ATG7: variants seen among roughly 807,000 people sequenced by gnomAD.
ATG7 encodes ubiquitin-like modifier-activating enzyme ATG7.
A neutral mutation model predicts 82.4 loss-of-function variants in ATG7; 70 were observed. That is an observed-to-expected ratio of 0.85 (90% CI 0.70 to 1.04). ATG7 has a LOEUF of 1.04. Ranked by LOEUF, ATG7 falls within the 50% of genes least tolerant of loss-of-function variation. The pLI is 0.00. For synonymous variants in ATG7, 287 were observed against 313.0 expected, an observed-to-expected ratio of 0.92 and a Z score of 0.88; for missense variants, 792 against 864.3, an observed-to-expected ratio of 0.92 and a Z score of 1.05.
intron 2 of ATG7, among the ~76,000 whole-genome samples, chr3:11,281,841 C>A (rs1302072371): frequency 6.6e-6 from 1 of 151,646 alleles, no homozygotes; most frequent in Non-Finnish European, 1.5e-5. Context: ...GGAAATCAGG[C>A]CTTTGCTTGG....
At chr3:11,445,063 C>A (rs148180791) in intron 20 of ATG7, among the ~76,000 whole-genome samples, 242 of 152,150 alleles carry the variant, frequency 1.6e-3, no homozygotes, top group African/African-American at 5.0e-3. Context: ...TAGATGCTGG[C>A]GAGGTTGTGG....
chr3:11,449,072 T>TG (rs2084856814), intron 20 of ATG7, among the ~76,000 whole-genome samples: 1 of 152,118 alleles, frequency 6.6e-6, no homozygotes, highest in African/African-American at 2.4e-5. Flanking sequence ...GGGAGGGAGA[T>TG]GAGTGCTAAA....
intron 20 of ATG7, among the ~76,000 whole-genome samples, chr3:11,490,607 T>A (rs1160796454): frequency 1.3e-5 from 2 of 152,224 alleles, no homozygotes; most frequent in South Asian, 2.1e-4. Flanking sequence ...CAGTGGCTGG[T>A]ACCGGTTGTT....
chr3:11,526,644 C>G (rs1415333410), intron 20 of ATG7, among the ~76,000 whole-genome samples: 1 of 152,144 alleles, frequency 6.6e-6, no homozygotes, highest in African/African-American at 2.4e-5. Context: ...TTTGAAAATT[C>G]TTTCAGATTT....
At chr3:11,496,456 C>G (rs1027029842) in intron 20 of ATG7, among the ~76,000 whole-genome samples, 3 of 152,184 alleles carry the variant, frequency 2.0e-5, no homozygotes, top group Admixed American at 1.3e-4. Context: ...TTGAAACAAC[C>G]CTATCCCACC....
chr3:11,341,300 T>C (rs1457763543), intron 12 of ATG7, among the ~76,000 whole-genome samples: 1 of 151,934 alleles, frequency 6.6e-6, no homozygotes, highest in Non-Finnish European at 1.5e-5. Context: ...GACCTCGTGA[T>C]CCACCTGCCT....
intron 18 of ATG7, among the ~76,000 whole-genome samples, chr3:11,372,554 G>A (rs921498457): frequency 2.7e-5 from 4 of 150,848 alleles, no homozygotes; most frequent in Admixed American, 2.0e-4. Context: ...TTCCACAAAT[G>A]AGATACAGAA....
intron 20 of ATG7, among the ~76,000 whole-genome samples, chr3:11,459,030 C>T (rs982256407): frequency 2.6e-5 from 4 of 152,146 alleles, no homozygotes; most frequent in Admixed American, 6.5e-5. Context: ...ACCCCCCCAT[C>T]TATGGAAAAA....
In ATG7 at chr3:11,362,900, A is replaced by T. The variant is rs2076370991; in HGVS notation, c.1771A>T (p.Met591Leu). 1.2e-6 allele frequency: 2 copies of T among 1,613,828 alleles called. No individual in the cohort carries two copies. Among genetic ancestry groups the T allele is most frequent in the Admixed American group, 1.7e-5 (1 of 59,992 alleles). Residue 591 changes from methionine to leucine, a missense_variant, in exon 17 of 21, where the codon ATG becomes TTG. Physicochemically the swap from Met to Leu is conservative, Grantham distance 15. Coordinates refer to ENST00000693202, the MANE Select transcript of ATG7 (RefSeq NM_001349232.2). Reference sequence around the variant, plus strand: ...TGCAGGAGCCCTGGCCGTGGAATTGATGGTATCTGTTTTGCAGCATCCAGA... The same window carrying T: ...TGCAGGAGCCCTGGCCGTGGAATTGTTGGTATCTGTTTTGCAGCATCCAGA... ...VIAGALAVEL[M>L]VSVLQHPEGG...
At chr3:11,477,905 C>T (rs756931511) in intron 20 of ATG7, among the ~76,000 whole-genome samples, 16 of 152,144 alleles carry the variant, frequency 1.1e-4, no homozygotes, top group Non-Finnish European at 2.2e-4. Context: ...TATCAGTAGC[C>T]CCAGACTCCC....
the ATG7 span, among the ~76,000 whole-genome samples, chr3:11,563,750 G>A: frequency 2.6e-5 from 4 of 152,342 alleles, no homozygotes; most frequent in Non-Finnish European, 4.4e-5. Flanking sequence ...GCACACAGCA[G>A]GGGTCTGTGC....
At chr3:11,469,393 G>A (rs1274946645) in intron 20 of ATG7, among the ~76,000 whole-genome samples, 1 of 151,862 alleles carries the variant, frequency 6.6e-6, no homozygotes, top group African/African-American at 2.4e-5. Flanking sequence ...AGGTTGCGGT[G>A]AGCTGAGATC....
chr3:11,544,377 C>T (rs1481555947), intron 20 of ATG7, among the ~76,000 whole-genome samples: 1 of 152,230 alleles, frequency 6.6e-6, no homozygotes, highest in Non-Finnish European at 1.5e-5. Context: ...TGCAGAGCCC[C>T]ACAGCTACTG....
At chr3:11,503,294 A>T (rs1489773209) in intron 20 of ATG7, among the ~76,000 whole-genome samples, 3 of 152,356 alleles carry the variant, frequency 2.0e-5, no homozygotes, top group South Asian at 4.1e-4. Context: ...AAAAAAGACT[A>T]GACTAAATTT....
intron 17 of ATG7, among the ~76,000 whole-genome samples, chr3:11,363,318 C>T (rs1159868273): frequency 6.6e-6 from 1 of 151,846 alleles, no homozygotes; most frequent in Non-Finnish European, 1.5e-5. Flanking sequence ...TTTTGGCTCA[C>T]TGCAACCTCT....
At chr3:11,276,618 T>A (rs148412467) in intron 1 of ATG7, among the ~76,000 whole-genome samples, 29 of 152,304 alleles carry the variant, frequency 1.9e-4, no homozygotes, top group African/African-American at 6.7e-4. Context: ...CCAGAATACC[T>A]GACCACTTTT....
intron 20 of ATG7, among the ~76,000 whole-genome samples, chr3:11,436,647 G>T (rs1280717708): frequency 6.6e-6 from 1 of 152,174 alleles, no homozygotes; most frequent in African/African-American, 2.4e-5. Flanking sequence ...TTGTCAAAAA[G>T]TGGAAACAAT....
intron 20 of ATG7, among the ~76,000 whole-genome samples, chr3:11,538,632 C>A (rs2070529159): frequency 7.1e-6 from 1 of 140,552 alleles, no homozygotes; most frequent in Admixed American, 7.9e-5. Flanking sequence ...TGCTGAAGCC[C>A]AGGAGTTCGA....
At position 11,360,782 on chromosome 3, in the gene ATG7, G is replaced by T; in HGVS notation, c.1681G>T (p.Asp561Tyr). 1.9e-6 allele frequency: 3 copies of T among 1,614,120 alleles called. No homozygotes were observed. The highest frequency in any genetic ancestry group is 2.5e-6 in the Non-Finnish European group (3 of 1,179,970). ...CTGCAATGATGTGGTGGCCCCAGGA[G>T]ATGTAAGTGGATTTCTCTATAGTTC... ...YFCNDVVAPGDSTRDRTLDQQ... is the reference protein window; with the variant it reads ...YFCNDVVAPGYSTRDRTLDQQ... The change falls in exon 16 of 21, where the codon GAT becomes TAT. Residue 561 changes from aspartate to tyrosine, a missense_variant and splice_region_variant. Asp to Tyr is a radical substitution (Grantham distance 160). Coordinates refer to ENST00000693202, the MANE Select transcript of ATG7 (RefSeq NM_001349232.2).
Sources: allele counts gnomAD v4.1 joint callset (sites outside exome capture counted in the v4.1 genomes callset), GRCh38; gene constraint gnomAD v4.1.1; transcripts MANE v1.5; gene names NCBI Gene and HGNC (gene_info 2026-07-23, HGNC 2026-07-21).